GALNT13: variants seen among roughly 807,000 people sequenced by gnomAD.
The protein encoded by GALNT13 is polypeptide N-acetylgalactosaminyltransferase 13.
GALNT13 carries 28 observed loss-of-function variants against 64.2 expected under a neutral mutation model. That is an observed-to-expected ratio of 0.44 (90% CI 0.32 to 0.60). The LOEUF (loss-of-function observed/expected upper bound fraction) is 0.60. Among genes scored for constraint, GALNT13 ranks in the 20% least tolerant of loss-of-function variants. The pLI is 0.05. For synonymous variants in GALNT13, 214 were observed against 224.6 expected, an observed-to-expected ratio of 0.95 and a Z score of 0.42; for missense variants, 577 against 669.8, an observed-to-expected ratio of 0.86 and a Z score of 1.53.
At chr2:154,324,263 T>C (rs909373889) in intron 9 of GALNT13, among the ~76,000 whole-genome samples, 2 of 152,098 alleles carry the variant, frequency 1.3e-5, no homozygotes, top group African/African-American at 2.4e-5. Context: ...AACATTTTGG[T>C]TCTTCGTCTT....
chr2:153,393,947 TACACACACACACACACAC>T, the GALNT13 span, among the ~76,000 whole-genome samples: 25 of 128,174 alleles, frequency 2.0e-4, no homozygotes, highest in African/African-American at 2.8e-4. Flanking sequence ...TCTCTCTGTC[TACACACACACACACACAC>T]ACACACACAC....
At chr2:153,827,231 G>T in the GALNT13 span, among the ~76,000 whole-genome samples, 4 of 152,054 alleles carry the variant, frequency 2.6e-5, no homozygotes, top group African/African-American at 9.7e-5. Flanking sequence ...TCACTATCAT[G>T]AGAACAGCAC....
chr2:153,139,100 CAT>C, the GALNT13 span, among the ~76,000 whole-genome samples: 1 of 152,006 alleles, frequency 6.6e-6, no homozygotes, highest in Non-Finnish European at 1.5e-5. Context: ...CATGTTATTT[CAT>C]ATGTTTTGAT....
At chr2:154,102,331 C>T (rs1702391491) in intron 3 of GALNT13, among the ~76,000 whole-genome samples, 1 of 152,160 alleles carries the variant, frequency 6.6e-6, no homozygotes, top group African/African-American at 2.4e-5. Context: ...CAGAAGAGAA[C>T]AACCCTGCTC....
the GALNT13 span, among the ~76,000 whole-genome samples, chr2:153,630,805 ATATTTTTTT>A: frequency 3.0e-3 from 45 of 14,980 alleles, no homozygotes; most frequent in African/African-American, 8.7e-3. Flanking sequence ...ATATATATAT[ATATTTTTTT>A]TTTTTTTTTT....
At chr2:153,861,553 T>C in the GALNT13 span, among the ~76,000 whole-genome samples, 1 of 125,210 alleles carries the variant, frequency 8.0e-6, no homozygotes, top group Admixed American at 1.1e-4. Flanking sequence ...TTCTTTTTCT[T>C]TCTTTCTTTT....
At chr2:153,865,321 A>G in the GALNT13 span, among the ~76,000 whole-genome samples, 1 of 72,642 alleles carries the variant, frequency 1.4e-5, no homozygotes, top group Non-Finnish European at 3.0e-5. Context: ...GGATCTAATT[A>G]AAATAAAGAG....
At chr2:153,373,720 A>G in the GALNT13 span, among the ~76,000 whole-genome samples, 2 of 152,174 alleles carry the variant, frequency 1.3e-5, no homozygotes, top group East Asian at 1.9e-4. Flanking sequence ...CTGCATAACC[A>G]TTAAAGAATA....
At chr2:153,932,693 T>C (rs1449444314) in intron 2 of GALNT13, among the ~76,000 whole-genome samples, 1 of 147,818 alleles carries the variant, frequency 6.8e-6, no homozygotes, top group Non-Finnish European at 1.5e-5. Context: ...AATGGTGCAA[T>C]CTTGGCTCGC....
At chr2:153,415,942 C>A in the GALNT13 span, among the ~76,000 whole-genome samples, 2 of 152,166 alleles carry the variant, frequency 1.3e-5, no homozygotes, top group Admixed American at 6.5e-5. Context: ...TCTGCCATAG[C>A]AGCAGACACA....
chr2:154,164,947 A>G (rs1462588017), intron 4 of GALNT13, among the ~76,000 whole-genome samples: 1 of 152,090 alleles, frequency 6.6e-6, no homozygotes, highest in Non-Finnish European at 1.5e-5. Flanking sequence ...TATCTAGCAA[A>G]GTATCTGAAA....
chr2:153,614,861 AC>A, the GALNT13 span, among the ~76,000 whole-genome samples: 1 of 152,090 alleles, frequency 6.6e-6, no homozygotes, highest in African/African-American at 2.4e-5. Flanking sequence ...CCCCTCAAGC[AC>A]TTATCCTTTT....
chr2:154,315,129 AAAAC>A (rs1223565161), intron 9 of GALNT13, among the ~76,000 whole-genome samples: 7 of 152,174 alleles, frequency 4.6e-5, no homozygotes, highest in African/African-American at 9.7e-5. Flanking sequence ...TTATAAAAAC[AAAAC>A]AAACAAACAA....
At chr2:154,011,782 G>C (rs1006324628) in intron 3 of GALNT13, among the ~76,000 whole-genome samples, 1 of 152,068 alleles carries the variant, frequency 6.6e-6, no homozygotes, top group African/African-American at 2.4e-5. Context: ...AGGATAGTTA[G>C]GTCTTCTTGT....
intron 3 of GALNT13, among the ~76,000 whole-genome samples, chr2:154,036,368 G>A (rs556487369): frequency 6.6e-6 from 1 of 152,156 alleles, no homozygotes; most frequent in African/African-American, 2.4e-5. Flanking sequence ...AGTAAATGCT[G>A]CTTAACTTAT....
intron 4 of GALNT13, among the ~76,000 whole-genome samples, chr2:154,143,074 T>TA: frequency 6.6e-6 from 1 of 152,262 alleles, no homozygotes; most frequent in East Asian, 1.9e-4. Flanking sequence ...AGACAATTTT[T>TA]TTACACATTT....
Position 154,323,731 on chromosome 2 carries a change from T to G in GALNT13, c.1156+22142T>G, listed in dbSNP as rs147211206. Among the ~76,000 whole-genome samples the G allele has an allele frequency of 9.5e-3, 1,446 of 152,212 alleles. 24 individuals are homozygous for G. Among genetic ancestry groups the G allele is most frequent in the African/African-American group, 0.033 (1,361 of 41,536 alleles). The stretch of plus-strand genomic sequence containing the variant: ...GATAGTTACCCAGAGTATCTCCAAC[T>G]TCCTGTTACCATTAGTTTCAACAAA... On this transcript the variant is annotated intron_variant, in intron 9 of 12. Coordinates refer to ENST00000392825, the MANE Select transcript of GALNT13 (RefSeq NM_052917.4).
chr2:153,686,318 T>A, the GALNT13 span, among the ~76,000 whole-genome samples: 1 of 152,114 alleles, frequency 6.6e-6, no homozygotes, highest in African/African-American at 2.4e-5. Context: ...ATCTGTGATT[T>A]CTTTGAGCAG....
the GALNT13 span, among the ~76,000 whole-genome samples, chr2:153,090,014 T>C: frequency 6.6e-6 from 1 of 152,128 alleles, no homozygotes; most frequent in Non-Finnish European, 1.5e-5. Context: ...GGACCCTCTT[T>C]TTTCATATTA....
Sources: gnomAD v4.1 joint callset for allele counts (sites outside exome capture counted in the v4.1 genomes callset) on GRCh38, gnomAD v4.1.1 for gene constraint, MANE v1.5 for transcripts, NCBI Gene and HGNC (gene_info 2026-07-23, HGNC 2026-07-21) for gene names.